RIMKLB: variants seen among roughly 807,000 people sequenced by gnomAD.
RIMKLB encodes ribosomal modification protein rimK like family member B, also known as beta-citrylglutamate synthase B.
In RIMKLB, 7 loss-of-function variants were observed where a neutral mutation model predicts 32.0. The observed-to-expected ratio is 0.22, with a 90% CI of 0.12 to 0.41. RIMKLB has a LOEUF of 0.41. Ranked by LOEUF, RIMKLB falls within the 10% of genes least tolerant of loss-of-function variation. The pLI is 1.00. For synonymous variants in RIMKLB, 172 were observed against 185.1 expected, an observed-to-expected ratio of 0.93 and a Z score of 0.57; for missense variants, 289 against 498.7, an observed-to-expected ratio of 0.58 and a Z score of 4.00.
chr12:8,741,365 A>ATTG (rs1947504275), intron 2 of RIMKLB, among the ~76,000 whole-genome samples: 1 of 151,130 alleles, frequency 6.6e-6, no homozygotes. Context: ...GCGACAGAGC[A>ATTG]AGACTCCACC....
chr12:8,681,985 T>G (rs2136520517), intron 1 of RIMKLB, among the ~76,000 whole-genome samples: 1 of 152,106 alleles, frequency 6.6e-6, no homozygotes, highest in Middle Eastern at 3.4e-3. Context: ...TCTAAACTTG[T>G]GGGATCTGAC....
At chr12:8,718,661 A>ATGTGTGTG (rs1287877829) in intron 2 of RIMKLB, among the ~76,000 whole-genome samples, 59 of 118,476 alleles carry the variant, frequency 5.0e-4, no homozygotes, top group African/African-American at 1.7e-3. Context: ...CTCTATATAT[A>ATGTGTGTG]TATATATATG....
chr12:8,747,794 TG>T (rs906723172), intron 2 of RIMKLB, among the ~76,000 whole-genome samples: 2 of 151,986 alleles, frequency 1.3e-5, no homozygotes. Context: ...CTCACTCTAT[TG>T]TCCAGGCTGG....
chr12:8,677,477 G>A (rs766978943), upstream of RIMKLB, among the ~76,000 whole-genome samples: 6 of 151,882 alleles, frequency 4.0e-5, no homozygotes, highest in East Asian at 5.8e-4. Flanking sequence ...CTTTCCACAC[G>A]GCTTCAGCTC....
chr12:8,694,446 A>G (rs2136595346), upstream of RIMKLB, among the ~76,000 whole-genome samples: 1 of 125,034 alleles, frequency 8.0e-6, no homozygotes, highest in East Asian at 2.4e-4. Context: ...CTCAGGATGG[A>G]GTGCACTGGC....
intron 5 of RIMKLB, among the ~76,000 whole-genome samples, chr12:8,765,949 G>A (rs1442330120): frequency 1.3e-5 from 2 of 151,896 alleles, no homozygotes; most frequent in Admixed American, 6.6e-5. Context: ...TTATACTTCC[G>A]TCGGGAGGCC....
intron 1 of RIMKLB, among the ~76,000 whole-genome samples, chr12:8,682,799 A>T (rs1240010393): frequency 1.9e-4 from 4 of 20,570 alleles, no homozygotes; most frequent in East Asian, 1.8e-3. Context: ...AAAAATAAAT[A>T]AATTAAAAAA....
chr12:8,782,172 TTTTTTCTGTAATTTATTGTTAAG>T (rs1390248458), downstream of RIMKLB, among the ~76,000 whole-genome samples: 8 of 149,134 alleles, frequency 5.4e-5, no homozygotes, highest in Admixed American at 5.3e-4. Flanking sequence ...CAAAAATTGT[TTTTTTCTGTAATTTATTGTTAAG>T]TTAACCTGGA....
intron 5 of RIMKLB, among the ~76,000 whole-genome samples, chr12:8,756,446 A>T (rs1462880471): frequency 6.6e-6 from 1 of 152,128 alleles, no homozygotes; most frequent in Admixed American, 6.5e-5. Flanking sequence ...CAGAAACATA[A>T]TGTTCATTTA....
At chr12:8,706,912 C>T (rs375125346) in intron 1 of RIMKLB, among the ~76,000 whole-genome samples, 19 of 152,046 alleles carry the variant, frequency 1.2e-4, no homozygotes, top group East Asian at 9.7e-4. Context: ...AACCTGGATT[C>T]GGATGACATT....
intron 5 of RIMKLB, among the ~76,000 whole-genome samples, chr12:8,761,560 T>A (rs1333372152): frequency 6.6e-6 from 1 of 152,172 alleles, no homozygotes; most frequent in Non-Finnish European, 1.5e-5. Flanking sequence ...TAATATGATT[T>A]GACTATTTCT....
intron 1 of RIMKLB, among the ~76,000 whole-genome samples, chr12:8,708,878 A>G (rs1305119351): frequency 6.6e-6 from 1 of 151,902 alleles, no homozygotes; most frequent in Non-Finnish European, 1.5e-5. Flanking sequence ...TCAAAAATAA[A>G]CTCTCTTTGT....
chr12:8,668,763 G>C, the RIMKLB span: 1 of 152,076 alleles, frequency 6.6e-6, no homozygotes, highest in Non-Finnish European at 1.5e-5. Context: ...TTTCTCAATT[G>C]GGCCCTGAGA....
intron 2 of RIMKLB, among the ~76,000 whole-genome samples, chr12:8,742,136 G>C (rs1947612692): frequency 6.6e-6 from 1 of 151,616 alleles, no homozygotes; most frequent in African/African-American, 2.4e-5. Flanking sequence ...CTGACCTCAT[G>C]ATCCGCCCGC....
chr12:8,670,686 G>A, the RIMKLB span, among the ~76,000 whole-genome samples: 3 of 152,198 alleles, frequency 2.0e-5, no homozygotes, highest in East Asian at 1.9e-4. Context: ...GGGTCTGGGG[G>A]GCCATGGCCG....
rs796544776 is a variant in RIMKLB at position 8,732,754 on chromosome 12, T to TACACAC, written c.176-17107_176-17106insCACACA. On this transcript the variant is annotated intron_variant, in intron 2 of 5. Transcript: ENST00000535829. Reference sequence around the variant, plus strand: ...TGCATGCAACAGAAAATTATATATATATACACACACACACACACACACACA... The same window carrying TACACAC: ...TGCATGCAACAGAAAATTATATATATACACACATACACACACACACACACACACACA... Among the ~76,000 whole-genome samples the TACACAC allele has an allele frequency of 1.0e-3, 147 of 144,732 alleles. 1 individual carries two copies. Among genetic ancestry groups the TACACAC allele is most frequent in the African/African-American group, 4.2e-3 (145 of 34,802 alleles). The allele number at this position is 144,732 out of a possible 152,430, so 94.9% of individuals were successfully genotyped here. A position where few individuals can be genotyped will look rare whatever the true frequency, so the allele number is the denominator to read the frequency against.
At chr12:8,740,329 A>G (rs866454591) in intron 2 of RIMKLB, among the ~76,000 whole-genome samples, 141 of 152,314 alleles carry the variant, frequency 9.3e-4, no homozygotes, top group African/African-American at 3.2e-3. Flanking sequence ...GATGGTCATT[A>G]TAGACTTATT....
chr12:8,718,187 A>G lies in RIMKLB; in HGVS notation c.175+4146A>G, dbSNP rs887363554. On this transcript the variant is annotated intron_variant, in intron 2 of 5. Transcript: ENST00000535829. ...TAGGTAAAAAAGACCATAGATTTCC[A>G]TTGTTGATACCCAGTGTTCTAGCAG... Among the ~76,000 whole-genome samples, 68 of 152,066 alleles carry G rather than the reference A, an allele frequency of 4.5e-4. 1 individual carries two copies. Among genetic ancestry groups the G allele is most frequent in the African/African-American group, 1.5e-3 (62 of 41,384 alleles).
intron 5 of RIMKLB, among the ~76,000 whole-genome samples, chr12:8,756,048 T>C (rs1456343175): frequency 6.6e-6 from 1 of 150,870 alleles, no homozygotes; most frequent in Non-Finnish European, 1.5e-5. Flanking sequence ...CCGGCTACTC[T>C]GGAGGCTGAG....
Sources: gnomAD v4.1 joint callset for allele counts (sites outside exome capture counted in the v4.1 genomes callset) on GRCh38, gnomAD v4.1.1 for gene constraint, MANE v1.5 for transcripts, NCBI Gene and HGNC (gene_info 2026-07-23, HGNC 2026-07-21) for gene names.